Variants in EXTL3 observed in about 807,000 individuals in gnomAD.
EXTL3 encodes the protein exostosin-like 3.
A neutral mutation model predicts 69.3 loss-of-function variants in EXTL3; 27 were observed. That is an observed-to-expected ratio of 0.39 (90% CI 0.29 to 0.54). The LOEUF is 0.54. Among genes scored for constraint, EXTL3 ranks in the 20% least tolerant of loss-of-function variants. The probability of loss-of-function intolerance (pLI) is 0.69; values close to 1 mark genes in which losing one functional copy is unlikely to be tolerated. For missense variants in EXTL3, 1,003 were observed against 1,231.8 expected, an observed-to-expected ratio of 0.81 and a Z score of 2.78; for synonymous variants, 511 against 499.4, an observed-to-expected ratio of 1.02 and a Z score of -0.31.
At chr8:28,690,585 G>A (rs1800599645) in intron 1 of EXTL3, among the ~76,000 whole-genome samples, 1 of 152,062 alleles carries the variant, frequency 6.6e-6, no homozygotes, top group Non-Finnish European at 1.5e-5. Context: ...AAGCTGGGTG[G>A]TTTTGGCACA....
chr8:28,743,100 G>A lies in EXTL3; in HGVS notation c.2436G>A (p.Leu812=). The change falls in exon 6 of 7, where the codon CTG becomes CTA. Residue 812 remains leucine (L), a synonymous_variant. Transcript: ENST00000220562. ...TCCCCTGACAGTATTATGCCTACCT[G>A]TATTCTTATGTGATGCCCCAGGCCA... The part of the protein sequence containing the change: ...AAFFHKYYAY[L]YSYVMPQAIR... 1 of 1,614,134 alleles carries A rather than the reference G, an allele frequency of 6.2e-7. No homozygotes were observed.
chr8:28,676,021 C>A (rs370415573), intron 1 of EXTL3, among the ~76,000 whole-genome samples: 799 of 105,286 alleles, frequency 7.6e-3, no homozygotes, highest in East Asian at 9.4e-3. Flanking sequence ...GACTCCATCT[C>A]AAAAAAAAAA....
rs549454890 is a variant in EXTL3 at position 28,676,560 on chromosome 8, A to C, written c.-52-36897A>C. On this transcript the variant is annotated intron_variant, in intron 1 of 6. Coordinates refer to the EXTL3 transcript ENST00000523149. ...GTCCAGAAAGCAACTGGACATTCTTAGGGCTCAGAGAAAGAGGTCTGGGAT... is the reference window on the plus strand; with the variant it reads ...GTCCAGAAAGCAACTGGACATTCTTCGGGCTCAGAGAAAGAGGTCTGGGAT... Among the ~76,000 whole-genome samples, 7 of 152,374 alleles carry C rather than the reference A, an allele frequency of 4.6e-5. No homozygotes were observed. The South Asian group carries it at 1.2e-3, about 27-fold the overall frequency.
At chr8:28,710,437 A>G (rs778744657) in intron 1 of EXTL3, 2 of 455,996 alleles carry the variant, frequency 4.4e-6, no homozygotes, top group Non-Finnish European at 4.4e-6. Context: ...TAAAATGCAG[A>G]CTGACTTAAT....
intron 1 of EXTL3, among the ~76,000 whole-genome samples, chr8:28,664,347 G>A (rs1156805547): frequency 1.3e-5 from 2 of 151,902 alleles, no homozygotes; most frequent in South Asian, 2.1e-4. Context: ...TGAGTGCATG[G>A]GCAGAGACAG....
Position 28,727,083 on chromosome 8 carries a change from G to A in EXTL3, c.2149-4140G>A, listed in dbSNP as rs1019431259. On this transcript the variant is annotated intron_variant, in intron 3 of 6. Transcript: ENST00000220562. ...TTATTTTTAGTAGAGATGGGGTTTT[G>A]CCATATTAGCCAGGCTGGTCTTGAA... 2.6e-5 allele frequency among the ~76,000 whole-genome samples: 4 copies of A among 151,784 alleles called. No homozygotes were observed. The East Asian group carries it at 7.8e-4, about 29-fold the overall frequency.
At chr8:28,629,416 A>G (rs1806540373) in intron 1 of EXTL3, among the ~76,000 whole-genome samples, 1 of 151,818 alleles carries the variant, frequency 6.6e-6, no homozygotes, top group Non-Finnish European at 1.5e-5. Context: ...GAGTTAGTTC[A>G]TTCATTCATT....
At chr8:28,698,986 TCC>T (rs1285956532), upstream of EXTL3, among the ~76,000 whole-genome samples, 1 of 151,920 alleles carries the variant, frequency 6.6e-6, no homozygotes, top group Non-Finnish European at 1.5e-5. Flanking sequence ...AGAGTGAGAC[TCC>T]GTCTCAAAAC....
chr8:28,724,909 C>T (rs1406923640), intron 3 of EXTL3, among the ~76,000 whole-genome samples: 2 of 152,178 alleles, frequency 1.3e-5, no homozygotes, highest in African/African-American at 4.8e-5. Context: ...AGCTCTGTTA[C>T]CTAGGTCCTC....
upstream of EXTL3, among the ~76,000 whole-genome samples, chr8:28,620,162 C>T (rs996216774): frequency 1.3e-5 from 2 of 151,676 alleles, no homozygotes; most frequent in African/African-American, 4.8e-5. Context: ...TGTGAGCCAC[C>T]GCGCCTGGCC....
At chr8:28,677,741 A>G (rs1207875352) in intron 1 of EXTL3, among the ~76,000 whole-genome samples, 3 of 152,248 alleles carry the variant, frequency 2.0e-5, no homozygotes, top group Non-Finnish European at 4.4e-5. Flanking sequence ...GTTACGAAAA[A>G]AAAACACAAC....
At chr8:28,696,512 C>A (rs943944974), upstream of EXTL3, 1 of 152,018 alleles carries the variant, frequency 6.6e-6, no homozygotes, top group African/African-American at 2.4e-5. Flanking sequence ...TTGCAGAACA[C>A]TCATTCTTAT....
intron 1 of EXTL3, among the ~76,000 whole-genome samples, chr8:28,626,798 G>C (rs188685611): frequency 6.6e-6 from 1 of 152,152 alleles, no homozygotes; most frequent in African/African-American, 2.4e-5. Flanking sequence ...ACTGAGGTGG[G>C]ACAGCCCTTC....
chr8:28,668,588 C>T (rs1249629369), intron 1 of EXTL3, among the ~76,000 whole-genome samples: 13 of 151,878 alleles, frequency 8.6e-5, no homozygotes, highest in African/African-American at 2.2e-4. Flanking sequence ...CTGCCTGCCT[C>T]GGCTTCCCAA....
intron 1 of EXTL3, among the ~76,000 whole-genome samples, chr8:28,627,484 G>A (rs1273586960): frequency 7.6e-6 from 1 of 131,482 alleles, no homozygotes; most frequent in African/African-American, 2.8e-5. Context: ...GTGAGACCCT[G>A]TCTCAAAAAA....
chr8:28,690,284 C>G (rs1445635022), intron 1 of EXTL3, among the ~76,000 whole-genome samples: 5 of 152,100 alleles, frequency 3.3e-5, no homozygotes. Context: ...ACAATCTTGG[C>G]TCACTGCAAC....
At chr8:28,625,550 A>C (rs1179180665) in intron 1 of EXTL3, among the ~76,000 whole-genome samples, 1 of 152,204 alleles carries the variant, frequency 6.6e-6, no homozygotes, top group African/African-American at 2.4e-5. Context: ...TCACTCATAC[A>C]TGAACTGTCC....
chr8:28,653,924 G>A (rs1276894700), intron 1 of EXTL3, among the ~76,000 whole-genome samples: 1 of 152,118 alleles, frequency 6.6e-6, no homozygotes, highest in East Asian at 1.9e-4. Context: ...TGCAAAAGAT[G>A]CTCTTGAGAT....
upstream of EXTL3, among the ~76,000 whole-genome samples, chr8:28,619,252 A>T (rs1381351493): frequency 8.5e-6 from 1 of 117,978 alleles, no homozygotes; most frequent in African/African-American, 3.1e-5. Context: ...CCCACGTAGA[A>T]ATTAGCTTAG....
Sources: gnomAD v4.1 joint callset for allele counts (sites outside exome capture counted in the v4.1 genomes callset) on GRCh38, gnomAD v4.1.1 for gene constraint, MANE v1.5 for transcripts, NCBI Gene and HGNC (gene_info 2026-07-23, HGNC 2026-07-21) for gene names.